Variants in MAP4K3 observed in about 807,000 individuals in gnomAD.
MAP4K3 encodes MAPK/ERK kinase kinase kinase 3.
In MAP4K3, 94 loss-of-function variants were observed where a neutral mutation model predicts 143.5. The ratio of observed to expected loss-of-function variants is 0.65; its 90% CI spans 0.55 to 0.78. MAP4K3 has a LOEUF of 0.78. MAP4K3 is among the 30% of genes least tolerant of loss of function. The pLI, the probability that MAP4K3 is intolerant of heterozygous loss-of-function variation, is 0.00. For missense variants in MAP4K3, 1,077 were observed against 1,068.1 expected (o/e 1.01, Z -0.12); for synonymous variants, 416 against 347.2 (o/e 1.20, Z -2.20).
At chr2:39,416,431 A>C (rs1667382701) in intron 1 of MAP4K3, among the ~76,000 whole-genome samples, 3 of 152,200 alleles carry the variant, frequency 2.0e-5, no homozygotes, top group African/African-American at 7.2e-5. Context: ...ATATGTGAAG[A>C]GGGTGAGAAC....
intron 1 of MAP4K3, among the ~76,000 whole-genome samples, chr2:39,393,361 C>A (rs182884545): frequency 6.6e-6 from 1 of 152,044 alleles, no homozygotes; most frequent in Non-Finnish European, 1.5e-5. Context: ...TCCTTAGAAG[C>A]CTTTTACTTA....
chr2:39,352,741 C>G (rs1269333418), intron 3 of MAP4K3, among the ~76,000 whole-genome samples: 2 of 152,132 alleles, frequency 1.3e-5, no homozygotes, highest in African/African-American at 4.8e-5. Flanking sequence ...CACAGCTACC[C>G]TGATATAAAA....
chr2:39,257,539 G>A (rs990640483), intron 31 of MAP4K3, among the ~76,000 whole-genome samples: 1 of 152,070 alleles, frequency 6.6e-6, no homozygotes, highest in Non-Finnish European at 1.5e-5. Flanking sequence ...GGTGGCTCAC[G>A]CCTGTAATCC....
intron 18 of MAP4K3, among the ~76,000 whole-genome samples, chr2:39,292,456 G>A (rs1573105704): frequency 6.6e-6 from 1 of 152,210 alleles, no homozygotes; most frequent in East Asian, 1.9e-4. Context: ...CTGAGGAAAG[G>A]CCACGTGAAG....
At chr2:39,317,233 C>G (rs535054334) in intron 12 of MAP4K3, among the ~76,000 whole-genome samples, 13 of 152,212 alleles carry the variant, frequency 8.5e-5, no homozygotes, top group African/African-American at 2.4e-4. Flanking sequence ...AACTGGACCC[C>G]TTCCTTACAC....
chr2:39,431,141 A>G (rs1469724519), intron 1 of MAP4K3, among the ~76,000 whole-genome samples: 3 of 152,242 alleles, frequency 2.0e-5, no homozygotes, highest in Non-Finnish European at 2.9e-5. Context: ...TGCCATAATT[A>G]AAAATTAAGT....
At chr2:39,260,360 C>T (rs1680517754) in intron 29 of MAP4K3, among the ~76,000 whole-genome samples, 1 of 152,188 alleles carries the variant, frequency 6.6e-6, no homozygotes, top group African/African-American at 2.4e-5. Flanking sequence ...AAGCGATCTT[C>T]TCACCTTGGC....
chr2:39,414,404 C>A lies in MAP4K3; in HGVS notation c.96+22488G>T, dbSNP rs139853713. On this transcript the variant is annotated intron_variant, in intron 1 of 33. Transcript: ENST00000263881. Reference sequence around the variant, plus strand: ...GGGAATTAAGAGGCTAGTAGCAATTCCAAAACAGCTCACAAAATAATGTTA... The same window carrying A: ...GGGAATTAAGAGGCTAGTAGCAATTACAAAACAGCTCACAAAATAATGTTA... Among the ~76,000 whole-genome samples the A allele has an allele frequency of 2.7e-3, 411 of 152,252 alleles. 15 individuals are homozygous for A. The East Asian group carries it at 0.073, about 27-fold the overall frequency.
intron 29 of MAP4K3, among the ~76,000 whole-genome samples, chr2:39,260,168 C>A (rs972429702): frequency 6.6e-6 from 1 of 152,160 alleles, no homozygotes; most frequent in Non-Finnish European, 1.5e-5. Flanking sequence ...GGGTGGAGTA[C>A]AATGGTGCGA....
At chr2:39,323,400 T>C (rs1683382750) in intron 12 of MAP4K3, 1 of 152,122 alleles carries the variant, frequency 6.6e-6, no homozygotes, top group South Asian at 2.1e-4. Flanking sequence ...GTACATAGGG[T>C]GAGGTAAGAA....
chr2:39,372,682 T>G (rs913480250), intron 2 of MAP4K3, among the ~76,000 whole-genome samples: 1 of 152,098 alleles, frequency 6.6e-6, no homozygotes, highest in African/African-American at 2.4e-5. Context: ...GAACATACAC[T>G]GGGGAAAGGA....
At chr2:39,326,913 C>A (rs78539048) in intron 8 of MAP4K3, among the ~76,000 whole-genome samples, 5,006 of 152,176 alleles carry the variant, frequency 0.033, 120 homozygotes, top group South Asian at 0.053. Context: ...TTTTCTGAGG[C>A]CTCCCCAGCC....
chr2:39,405,975 TA>T (rs547654116), intron 1 of MAP4K3, among the ~76,000 whole-genome samples: 1 of 151,812 alleles, frequency 6.6e-6, no homozygotes, highest in Non-Finnish European at 1.5e-5. Flanking sequence ...TTGAGGAAAC[TA>T]AAAAAAATTC....
intron 1 of MAP4K3, among the ~76,000 whole-genome samples, chr2:39,385,557 T>TC (rs1666477413): frequency 1.1e-4 from 1 of 9,244 alleles, no homozygotes; most frequent in African/African-American, 1.3e-4. Flanking sequence ...TCTTCATATA[T>TC]ATATATATAT....
intron 8 of MAP4K3, among the ~76,000 whole-genome samples, chr2:39,326,935 T>C (rs1293782533): frequency 1.3e-5 from 2 of 152,164 alleles, no homozygotes; most frequent in Non-Finnish European, 2.9e-5. Flanking sequence ...TGCAATACAA[T>C]ACTGTGAGTC....
At chr2:39,359,273 T>G (rs1426211648) in intron 2 of MAP4K3, among the ~76,000 whole-genome samples, 1 of 151,616 alleles carries the variant, frequency 6.6e-6, no homozygotes, top group African/African-American at 2.4e-5. Context: ...ACCAACAGGG[T>G]AGTCATTAAA....
At position 39,378,115 on chromosome 2, in the gene MAP4K3, A is replaced by G. The variant is rs1558676101; in HGVS notation, c.105T>C (p.Asn35=). 2 of 1,583,690 alleles carry G rather than the reference A, an allele frequency of 1.3e-6. No individual in the cohort carries two copies. The change falls in exon 2 of 34, where the codon AAT becomes AAC. Residue 35 remains asparagine (N), a synonymous_variant. Coordinates refer to ENST00000263881, the MANE Select transcript of MAP4K3 (RefSeq NM_003618.4). ...TTGCTGCTAATTCACCAGTGTTAAC[A>G]TTCCGTGCCTAAAAGAAAGAGGAAA... is the stretch of plus-strand genomic sequence containing the variant. ...GTYGDVYKAR[N]VNTGELAAIK...
At chr2:39,379,879 A>G (rs545750791) in intron 1 of MAP4K3, 2 of 166,430 alleles carry the variant, frequency 1.2e-5, no homozygotes, top group Admixed American at 6.5e-5. Flanking sequence ...CTCTCTATTT[A>G]CAAGTTACAC....
chr2:39,303,163 C>A (rs946172471), intron 15 of MAP4K3: 4 of 166,778 alleles, frequency 2.4e-5, no homozygotes, highest in African/African-American at 9.7e-5. Context: ...TATATCTTGA[C>A]CAAGAAAGAG....
Sources: gnomAD v4.1 joint callset for allele counts (sites outside exome capture counted in the v4.1 genomes callset) on GRCh38, gnomAD v4.1.1 for gene constraint, MANE v1.5 for transcripts, NCBI Gene and HGNC (gene_info 2026-07-23, HGNC 2026-07-21) for gene names.